Variants in RTN4RL1 observed in about 807,000 individuals in gnomAD.
The protein encoded by RTN4RL1 is reticulon-4 receptor-like 1.
A neutral mutation model predicts 25.6 loss-of-function variants in RTN4RL1; 7 were observed. The ratio of observed to expected loss-of-function variants is 0.27; its 90% CI spans 0.16 to 0.51. The LOEUF is 0.51. Ranked by LOEUF, RTN4RL1 falls within the 20% of genes least tolerant of loss-of-function variation. The pLI, the probability that RTN4RL1 is intolerant of heterozygous loss-of-function variation, is 0.97. For missense variants in RTN4RL1, 500 were observed against 615.6 expected (o/e 0.81, Z 1.99); for synonymous variants, 297 against 288.2 (o/e 1.03, Z -0.31).
At chr17:1,985,036 G>A (rs969554117) in intron 1 of RTN4RL1, among the ~76,000 whole-genome samples, 3 of 151,988 alleles carry the variant, frequency 2.0e-5, no homozygotes, top group Non-Finnish European at 2.9e-5. Flanking sequence ...CGTTATATGC[G>A]ACAAGCATTT....
At chr17:1,939,317 C>T (rs1362368535) in intron 1 of RTN4RL1, among the ~76,000 whole-genome samples, 10 of 152,106 alleles carry the variant, frequency 6.6e-5, no homozygotes. Flanking sequence ...CGTGCCACTG[C>T]ACTCCAGCCT....
At position 1,958,000 on chromosome 17, in the gene RTN4RL1, G is replaced by T. The variant is rs561651627; in HGVS notation, c.14-20192C>A. Among the ~76,000 whole-genome samples, 4 of 151,858 alleles carry T rather than the reference G, an allele frequency of 2.6e-5. No individual in the cohort carries two copies. The South Asian group carries it at 8.3e-4, about 32-fold the overall frequency. ...AGGACCAGCCTGGGTAATGCAGTGA[G>T]ACCCATCTCTACAAAAACTAAAAAA... On this transcript the variant is annotated intron_variant, in intron 1 of 1. Transcript: ENST00000331238.
At chr17:1,993,046 C>A (rs921401197) in intron 1 of RTN4RL1, among the ~76,000 whole-genome samples, 1 of 152,010 alleles carries the variant, frequency 6.6e-6, no homozygotes. Context: ...AGTTCGAGAC[C>A]AGCCTGGACA....
chr17:1,991,870 T>C (rs913677786), intron 1 of RTN4RL1, among the ~76,000 whole-genome samples: 2 of 152,166 alleles, frequency 1.3e-5, no homozygotes, highest in African/African-American at 4.8e-5. Context: ...AGGGTAGCAG[T>C]AGATCAATTC....
intron 1 of RTN4RL1, among the ~76,000 whole-genome samples, chr17:1,999,094 T>TCACACACACACACACA (rs59609042): frequency 1.6e-3 from 236 of 147,370 alleles, no homozygotes; most frequent in African/African-American, 5.6e-3. Flanking sequence ...ACATGCGCGA[T>TCACACACACACACACA]CACACACACA....
At chr17:1,954,383 C>CTTTTTT (rs55654151) in intron 1 of RTN4RL1, among the ~76,000 whole-genome samples, 11 of 124,320 alleles carry the variant, frequency 8.8e-5, no homozygotes, top group African/African-American at 1.6e-4. Context: ...TGCTTCCTTC[C>CTTTTTT]TTTTTTTTTT....
intron 1 of RTN4RL1, among the ~76,000 whole-genome samples, chr17:1,982,495 G>A (rs1275901031): frequency 6.6e-6 from 1 of 151,722 alleles, no homozygotes; most frequent in East Asian, 1.9e-4. Context: ...GGCGCCTGTA[G>A]TCCCAGCTAC....
rs372908105 is a variant in RTN4RL1 at position 2,000,272 on chromosome 17, C to T, written c.13+24581G>A. On this transcript the variant is annotated intron_variant, in intron 1 of 1. Transcript: ENST00000331238. Reference sequence around the variant, plus strand: ...GGATATTGGGTGCCTTGTTAGGAAGCAGGATGGGGCAGAGGAAGGAATGTC... The same window carrying T: ...GGATATTGGGTGCCTTGTTAGGAAGTAGGATGGGGCAGAGGAAGGAATGTC... Among the ~76,000 whole-genome samples, 25 of 152,316 alleles carry T rather than the reference C, an allele frequency of 1.6e-4. No individual in the cohort carries two copies. In the East Asian group the frequency reaches 4.2e-3, roughly 26 times the overall value.
chr17:1,993,318 C>A (rs553475761), intron 1 of RTN4RL1, among the ~76,000 whole-genome samples: 115 of 152,208 alleles, frequency 7.6e-4, no homozygotes, highest in African/African-American at 2.6e-3. Flanking sequence ...AACTGACACA[C>A]CCAAAAAAGA....
chr17:2,021,844 T>C (rs1037876874), intron 1 of RTN4RL1, among the ~76,000 whole-genome samples: 12 of 142,626 alleles, frequency 8.4e-5, no homozygotes, highest in South Asian at 2.4e-4. Context: ...TGTGAGCCAC[T>C]GTGCCCGGTC....
At chr17:1,962,564 CT>C (rs1424811916) in intron 1 of RTN4RL1, among the ~76,000 whole-genome samples, 4 of 151,760 alleles carry the variant, frequency 2.6e-5, no homozygotes, top group African/African-American at 9.7e-5. Flanking sequence ...TTGTAACCAC[CT>C]TTTAAGAGTC....
chr17:1,966,179 T>C (rs2066790415), intron 1 of RTN4RL1, among the ~76,000 whole-genome samples: 1 of 152,156 alleles, frequency 6.6e-6, no homozygotes, highest in South Asian at 2.1e-4. Flanking sequence ...ACATTCCAAC[T>C]CGACGTGGTA....
chr17:1,942,645 G>T (rs1352208038), intron 1 of RTN4RL1, among the ~76,000 whole-genome samples: 1 of 152,156 alleles, frequency 6.6e-6, no homozygotes, highest in Non-Finnish European at 1.5e-5. Flanking sequence ...GAGGAGGCAA[G>T]GAGAGCTGTG....
intron 1 of RTN4RL1, among the ~76,000 whole-genome samples, chr17:1,954,383 C>CTTTTTTTT (rs55654151): frequency 1.1e-4 from 14 of 124,326 alleles, no homozygotes; most frequent in Admixed American, 1.7e-4. Flanking sequence ...TGCTTCCTTC[C>CTTTTTTTT]TTTTTTTTTT....
At chr17:1,989,269 A>G (rs939771876) in intron 1 of RTN4RL1, among the ~76,000 whole-genome samples, 3 of 152,142 alleles carry the variant, frequency 2.0e-5, no homozygotes, top group African/African-American at 7.2e-5. Flanking sequence ...GTGGGTGCTC[A>G]GCACACAGCA....
At chr17:1,973,138 A>G (rs2066827717) in intron 1 of RTN4RL1, among the ~76,000 whole-genome samples, 1 of 152,100 alleles carries the variant, frequency 6.6e-6, no homozygotes, top group South Asian at 2.1e-4. Context: ...TGAGGCAGGC[A>G]CATCACTCGA....
chr17:1,965,359 A>C (rs924074624), intron 1 of RTN4RL1, among the ~76,000 whole-genome samples: 12 of 149,978 alleles, frequency 8.0e-5, no homozygotes, highest in Admixed American at 3.3e-4. Flanking sequence ...TGATCCGCCC[A>C]CCTCGGCCTC....
chr17:2,006,019 G>C (rs897051905), intron 1 of RTN4RL1, among the ~76,000 whole-genome samples: 1 of 151,704 alleles, frequency 6.6e-6, no homozygotes, highest in Non-Finnish European at 1.5e-5. Flanking sequence ...GGATGGTCTC[G>C]ATCTCTTGAC....
chr17:1,975,691 G>A (rs918993751), intron 1 of RTN4RL1, among the ~76,000 whole-genome samples: 4 of 152,042 alleles, frequency 2.6e-5, no homozygotes, highest in Non-Finnish European at 5.9e-5. Flanking sequence ...GAAAGCTTTG[G>A]TGGAAGGGAG....
Sources: allele counts gnomAD v4.1 joint callset (sites outside exome capture counted in the v4.1 genomes callset), GRCh38; gene constraint gnomAD v4.1.1; transcripts MANE v1.5; gene names NCBI Gene and HGNC (gene_info 2026-07-23, HGNC 2026-07-21).